The following SALL1 variants were observed in gnomAD, a reference collection of about 807,000 sequenced individuals.
SALL1 encodes the protein spalt like transcription factor 1.
A neutral mutation model predicts 73.1 loss-of-function variants in SALL1; 10 were observed. The ratio of observed to expected loss-of-function variants is 0.14; its 90% CI spans 0.08 to 0.23. The LOEUF (loss-of-function observed/expected upper bound fraction) is 0.23. SALL1 is among the 10% of genes least tolerant of loss of function. The probability of loss-of-function intolerance (pLI) is 1.00; values close to 1 mark genes in which losing one functional copy is unlikely to be tolerated. For missense variants in SALL1, 1,520 were observed against 1,697.3 expected (o/e 0.90, Z 1.84); for synonymous variants, 688 against 689.8 (o/e 1.00, Z 0.04).
chr16:51,146,478 A>G (rs1248567273), intron 1 of SALL1, among the ~76,000 whole-genome samples: 1 of 152,196 alleles, frequency 6.6e-6, no homozygotes, highest in African/African-American at 2.4e-5. Flanking sequence ...GACTACATAA[A>G]CATTGGCAAA....
rs1177299234 is a variant in SALL1 at position 51,137,136 on chromosome 16, G to A, written c.3951C>T (p.Asp1317=). The stretch of plus-strand genomic sequence containing the variant: ...TTTAACTCGTGACGATCTCCTTGCT[G>A]TCCTCCACGAAGCGGGTGAAGCGGA... ...TNFRFTRFVE[D]SKEIVTS Residue 1317 remains aspartate (D), a synonymous_variant, in exon 3 of 3, where the codon GAC becomes GAT. Coordinates refer to ENST00000251020, the MANE Select transcript of SALL1 (RefSeq NM_002968.3). 6 of 1,614,068 alleles carry A rather than the reference G, an allele frequency of 3.7e-6. No individual in the cohort carries two copies. Among genetic ancestry groups the A allele is most frequent in the Non-Finnish European group, 5.1e-6 (6 of 1,180,048 alleles).
chr16:51,140,916 A>G lies in SALL1; in HGVS notation c.1306T>C (p.Phe436Leu), dbSNP rs1418619556. ...RKSKPPNVTA[F>L]EAKSTSDEAF... is the part of the protein sequence containing the mutation. ...TCATCGGAAGTACTTTTCGCTTCAA[A>G]GGCAGTGACATTTGGTGGCTTGCTT... Residue 436 changes from phenylalanine to leucine, a missense_variant, in exon 2 of 3, where the codon TTT (phenylalanine) becomes CTT (leucine). Coordinates refer to ENST00000251020, the MANE Select transcript of SALL1 (RefSeq NM_002968.3). This position sits in a 1 kb window ranked among gnomAD's most constrained non-coding sequence, Gnocchi z 5.7. 1.2e-6 allele frequency: 2 copies of G among 1,614,128 alleles called. No individual in the cohort carries two copies. Among genetic ancestry groups the G allele is most frequent in the African/African-American group, 2.7e-5 (2 of 74,942 alleles).
rs1273745211 is a variant in SALL1, at chr16:51,145,213, CACAT to C, written c.77-3072_77-3069del. On this transcript the variant is annotated intron_variant, in intron 1 of 2. Coordinates refer to ENST00000251020, the MANE Select transcript of SALL1 (RefSeq NM_002968.3). ...ACACACACATTCTCTCTCTCACACA[CACAT>C]ACACACACACACACACACACACACA... Among the ~76,000 whole-genome samples, 5 of 46,486 alleles carry C rather than the reference CACAT, an allele frequency of 1.1e-4. No homozygotes were observed. The Admixed American group carries it at 1.4e-3, about 13-fold the overall frequency. 30.5% of individuals were successfully genotyped at this position (46,486 alleles called of 152,430 possible).
chr16:51,146,212 G>C (rs1449903677), intron 1 of SALL1, among the ~76,000 whole-genome samples: 1 of 152,024 alleles, frequency 6.6e-6, no homozygotes, highest in Non-Finnish European at 1.5e-5. Context: ...GGGGATTAGA[G>C]TATTCTCTTG....
rs770579045 is a variant in SALL1 at position 51,139,246 on chromosome 16, A to G, written c.2976T>C (p.Phe992=). Residue 992 remains phenylalanine, a synonymous_variant, in exon 2 of 3, where the codon TTT becomes TTC. Coordinates refer to ENST00000251020, the MANE Select transcript of SALL1 (RefSeq NM_002968.3). ...TGTTTTTAAATTTACCCCGGTCTCT[A>G]AAAGGGAAGAGGATCCCCAAAGAAT... is the stretch of plus-strand genomic sequence containing the variant. ...KEDSLGILFP[F]RDRGKFKNTA... 6.2e-7 allele frequency: 1 copy of G among 1,614,160 alleles called. No individual in the cohort carries two copies. The highest frequency in any genetic ancestry group is 2.2e-5 in the East Asian group (1 of 44,876).
chr16:51,141,108 A>T lies in SALL1; in HGVS notation c.1114T>A (p.Ser372Thr). 1 of 1,614,216 alleles carries T rather than the reference A, an allele frequency of 6.2e-7. No individual in the cohort carries two copies. Among genetic ancestry groups the T allele is most frequent in the Non-Finnish European group, 8.5e-7 (1 of 1,180,036 alleles). ...ATTGCAAAAGCTGGTGAGGACGATG[A>T]TGAGACCGCTGGGTTGCTGACATGG... is the stretch of plus-strand genomic sequence containing the variant. ...ASHVSNPAVS[S>T]SSSPAFAISS... Residue 372 changes from serine to threonine, a missense_variant, in exon 2 of 3, where the codon TCA (serine) becomes ACA (threonine). Physicochemically the swap from Ser to Thr is moderately conservative, Grantham distance 58. Around this residue, in one of 7 missense-constraint regions of SALL1, gnomAD observed 540 missense variants for 567.5 expected, o/e 0.95. Transcript: ENST00000251020. This position sits in a 1 kb window ranked among gnomAD's most constrained non-coding sequence, Gnocchi z 5.4.
chr16:51,139,424 T>C lies in SALL1; in HGVS notation c.2798A>G (p.Asn933Ser), dbSNP rs367897901. The C allele has an allele frequency of 1.4e-5, 23 of 1,614,052 alleles. No individual in the cohort carries two copies. Among genetic ancestry groups the C allele is most frequent in the South Asian group, 4.4e-5 (4 of 91,082 alleles). The stretch of plus-strand genomic sequence containing the variant: ...TGACTTGTGGAACTCCTGCGTGCTG[T>C]TGGACGGGGACAGAGCCTGCATGGA... ...TSSMQALSPS[N>S]STQEFHKSPS... The change falls in exon 2 of 3, where the codon AAC (asparagine) becomes AGC (serine). Residue 933 changes from asparagine to serine, a missense_variant. Physicochemically the swap from Asn to Ser is conservative, Grantham distance 46. Around this residue, in one of 7 missense-constraint regions of SALL1, gnomAD observed 266 missense variants for 275.1 expected, o/e 0.97. Coordinates refer to ENST00000251020, the MANE Select transcript of SALL1 (RefSeq NM_002968.3).
At chr16:51,143,310 C>A in intron 1 of SALL1, 1 of 409,676 alleles carries the variant, frequency 2.4e-6, no homozygotes, top group Non-Finnish European at 4.9e-6. Flanking sequence ...TAACTCCAAG[C>A]TAACATCCTA....
At position 51,145,335 on chromosome 16, in the gene SALL1, C is replaced by A. The variant is rs367750706; in HGVS notation, c.77-3190G>T. Among the ~76,000 whole-genome samples, 233 of 152,140 alleles carry A rather than the reference C, an allele frequency of 1.5e-3. 2 individuals carry two copies. In the South Asian group the frequency reaches 0.028, roughly 18 times the overall value. On this transcript the variant is annotated intron_variant, in intron 1 of 2. Transcript: ENST00000251020. ...TGTTACACAAGATTGCAACTGGTGA[C>A]CCCATTATAGTAAATACAGTTGCCT... is the stretch of plus-strand genomic sequence containing the variant.
chr16:51,140,769 T>C lies in SALL1; in HGVS notation c.1453A>G (p.Arg485Gly). Residue 485 changes from arginine (R) to glycine (G), a missense_variant, in exon 2 of 3, where the codon AGG becomes GGG. Transcript: ENST00000251020. This position sits in a 1 kb window ranked among gnomAD's most constrained non-coding sequence, Gnocchi z 5.7. The part of the protein sequence containing the change: ...RPFKCNICGN[R>G]FSTKGNLKVH... ...TTCAGATTCCCCTTGGTGGAGAACC[T>C]GTTCCCGCAGATGTTGCACTTGAAT... 1 of 1,614,214 alleles carries C rather than the reference T, an allele frequency of 6.2e-7. No individual in the cohort carries two copies. Among genetic ancestry groups the C allele is most frequent in the Admixed American group, 1.7e-5 (1 of 60,024 alleles).
Position 51,137,582 on chromosome 16 carries a change from CAG to C in SALL1, c.3535-32_3535-31del, listed in dbSNP as rs142249003. ...GATATGGGGAGGGCAGGCAGAGAGA[CAG>C]AGAGAGAGAGAGAAAAAAAAGAGGA... On this transcript the variant is annotated intron_variant, in intron 2 of 2. Coordinates refer to ENST00000251020, the MANE Select transcript of SALL1 (RefSeq NM_002968.3). The C allele has an allele frequency of 0.053, 72,394 of 1,368,248 alleles. 1,093 individuals are homozygous for C. Among genetic ancestry groups the C allele is most frequent in the South Asian group, 0.062 (4,410 of 71,328 alleles). The allele number at this position is 1,368,248 out of a possible 1,614,324, so 84.8% of individuals were successfully genotyped here. A position where few individuals can be genotyped will look rare whatever the true frequency, so the allele number is the denominator to read the frequency against.
upstream of SALL1, chr16:51,151,291 TC>T: frequency 7.4e-7 from 1 of 1,357,498 alleles, no homozygotes; most frequent in South Asian, 1.6e-5. Context: ...TAAAAAAAAA[TC>T]TTCTCAAAAT....
Position 51,139,442 on chromosome 16 carries a change from T to C in SALL1, c.2780A>G (p.Gln927Arg), listed in dbSNP as rs1451625908. The C allele has an allele frequency of 3.1e-6, 5 of 1,614,202 alleles. No homozygotes were observed. The highest frequency in any genetic ancestry group is 4.2e-6 in the Non-Finnish European group (5 of 1,180,036). Residue 927 changes from glutamine to arginine, a missense_variant, in exon 2 of 3, where the codon CAG becomes CGG. Gln to Arg is a conservative substitution (Grantham distance 43). This residue lies in a region of SALL1 where 266 missense variants were observed against 275.1 expected (regional missense o/e 0.97). Coordinates refer to ENST00000251020, the MANE Select transcript of SALL1 (RefSeq NM_002968.3). ...CGTGCTGTTGGACGGGGACAGAGCC[T>C]GCATGGAAGAGGTAGACTCTGAGAT... ...PAISESTSSM[Q>R]ALSPSNSTQE...
chr16:51,149,046 A>T (rs115844395), intron 1 of SALL1, among the ~76,000 whole-genome samples: 1,523 of 152,298 alleles, frequency 0.01, 30 homozygotes, highest in African/African-American at 0.034. Flanking sequence ...GAGAGAAAAG[A>T]GAAAGAAAGG....
upstream of SALL1, among the ~76,000 whole-genome samples, chr16:51,151,755 C>A (rs1567319981): frequency 6.6e-6 from 1 of 151,054 alleles, no homozygotes; most frequent in Non-Finnish European, 1.5e-5. Flanking sequence ...CCCCCCCCCA[C>A]AATCCCGGGC....
intron 2 of SALL1, 49 bp downstream of exon 2, chr16:51,138,639 A>T (rs1475083191): frequency 6.3e-7 from 1 of 1,576,020 alleles, no homozygotes; most frequent in African/African-American, 1.3e-5. Flanking sequence ...AATCAATGGC[A>T]GTGGGACAGG....
At chr16:51,150,455 C>T (rs1256280689) in intron 1 of SALL1, 3 of 985,652 alleles carry the variant, frequency 3.0e-6, no homozygotes, top group African/African-American at 1.7e-5. Context: ...GAGCCAGACC[C>T]CGACACTTTC....
chr16:51,151,550 C>G (rs1199475699), upstream of SALL1, among the ~76,000 whole-genome samples: 2 of 151,846 alleles, frequency 1.3e-5, no homozygotes, highest in Non-Finnish European at 2.9e-5. Context: ...TCTCTCCGCG[C>G]GCTGGCCCAA....
At position 51,137,107 on chromosome 16, in the gene SALL1, C is replaced by G. The variant is rs1962313703; in HGVS notation, c.*5G>C. The G allele has an allele frequency of 6.2e-7, 1 of 1,614,082 alleles. No individual in the cohort carries two copies. The highest frequency in any genetic ancestry group is 1.1e-5 in the South Asian group (1 of 91,068). On this transcript the variant is annotated 3_prime_UTR_variant, in exon 3 of 3. Transcript: ENST00000251020. ...ATGAATGCTATGTCTCCAGCCCGAG[C>G]TGCTTTAACTCGTGACGATCTCCTT...
Sources: allele counts gnomAD v4.1 joint callset (sites outside exome capture counted in the v4.1 genomes callset), GRCh38; gene constraint gnomAD v4.1.1; regional missense constraint gnomAD v4.1.1; non-coding constraint Gnocchi (gnomAD v3.1); transcripts MANE v1.5; gene names NCBI Gene and HGNC (gene_info 2026-07-23, HGNC 2026-07-21).